Variants in GMPS observed in about 807,000 individuals in gnomAD.
GMPS encodes the protein guanosine monophosphate synthase.
Under a neutral mutation model 77.9 loss-of-function variants are expected in GMPS, and 15 were observed. The observed-to-expected ratio is 0.19, with a 90% CI of 0.13 to 0.30. GMPS has a LOEUF of 0.30. Ranked by LOEUF, GMPS falls within the 10% of genes least tolerant of loss-of-function variation. GMPS has a pLI of 1.00. For synonymous variants in GMPS, 224 were observed against 275.9 expected (o/e 0.81, Z 1.86); for missense variants, 590 against 838.8 (o/e 0.70, Z 3.66).
intron 2 of GMPS, among the ~76,000 whole-genome samples, chr3:155,896,173 C>T (rs553260463): frequency 6.6e-6 from 1 of 152,106 alleles, no homozygotes; most frequent in African/African-American, 2.4e-5. Context: ...CCATGCCCGG[C>T]TAATTTTTTG....
intron 5 of GMPS, among the ~76,000 whole-genome samples, chr3:155,909,508 G>A (rs750830120): frequency 3.3e-5 from 5 of 152,102 alleles, no homozygotes; most frequent in Admixed American, 6.6e-5. Context: ...CTCTATGTGG[G>A]ACTTAATGTA....
chr3:155,896,600 T>A (rs886695760), intron 2 of GMPS, among the ~76,000 whole-genome samples: 1 of 152,050 alleles, frequency 6.6e-6, no homozygotes, highest in Admixed American at 6.6e-5. Context: ...TTTAAATTTT[T>A]TGTAGACATG....
chr3:155,940,742 T>TTG lies in GMPS; in HGVS notation c.*3051_*3052insGT, dbSNP rs1553789735. ...ACAGAATGGAGAAGCTGGATAGTGTTTTTTTTTTTTTTTTTTAAGGTTCTT... is the reference window on the plus strand; with the variant it reads ...ACAGAATGGAGAAGCTGGATAGTGTTTGTTTTTTTTTTTTTTTTAAGGTTCTT... On this transcript the variant is annotated 3_prime_UTR_variant, in exon 16 of 16. Coordinates refer to ENST00000496455, the MANE Select transcript of GMPS (RefSeq NM_003875.3). 6.9e-4 allele frequency: 124 copies of TTG among 180,476 alleles called. No individual in the cohort carries two copies. Among genetic ancestry groups the TTG allele is most frequent in the African/African-American group, 3.2e-3 (118 of 36,700 alleles). The allele number at this position is 180,476 out of a possible 1,614,324, so 11.2% of individuals were successfully genotyped here.
chr3:155,882,240 G>C (rs1218334227), intron 1 of GMPS, among the ~76,000 whole-genome samples: 1 of 152,170 alleles, frequency 6.6e-6, no homozygotes, highest in Non-Finnish European at 1.5e-5. Flanking sequence ...CATGGATACA[G>C]GGAATGATGA....
At chr3:155,886,496 A>C (rs887693913) in intron 1 of GMPS, among the ~76,000 whole-genome samples, 1 of 141,882 alleles carries the variant, frequency 7.0e-6, no homozygotes, top group African/African-American at 2.7e-5. Context: ...AATTGCAGTG[A>C]GCTGAGAGGT....
At position 155,898,050 on chromosome 3, in the gene GMPS, G is replaced by T; in HGVS notation, c.324+9G>T. 1.5e-6 allele frequency: 2 copies of T among 1,358,994 alleles called. No homozygotes were observed. Among genetic ancestry groups the T allele is most frequent in the Non-Finnish European group, 1.1e-6 (1 of 947,200 alleles). The allele number at this position is 1,358,994 out of a possible 1,614,324, so 84.2% of individuals were successfully genotyped here. A position where few individuals can be genotyped will look rare whatever the true frequency, so the allele number is the denominator to read the frequency against. On this transcript the variant is annotated intron_variant, in intron 3 of 15. Transcript: ENST00000496455. ...TTTGCTATGGTATGCAGGTATGTCA[G>T]CAAATTTGTTTTGAAAGCTTACTTA...
chr3:155,883,262 A>G (rs964507416), intron 1 of GMPS, among the ~76,000 whole-genome samples: 2 of 152,020 alleles, frequency 1.3e-5, no homozygotes, highest in East Asian at 1.9e-4. Flanking sequence ...TTTAGTAGAG[A>G]TGGGGTTTCA....
At chr3:155,875,732 T>C (rs1025520800) in intron 1 of GMPS, among the ~76,000 whole-genome samples, 2 of 152,230 alleles carry the variant, frequency 1.3e-5, no homozygotes, top group African/African-American at 4.8e-5. Context: ...TCATGCTTAT[T>C]GTGGAATAGA....
chr3:155,888,176 T>C (rs545087304), intron 1 of GMPS, among the ~76,000 whole-genome samples: 1 of 151,594 alleles, frequency 6.6e-6, no homozygotes, highest in Admixed American at 6.6e-5. Context: ...CCTAAAAAAT[T>C]ATGTGTGCTT....
intron 7 of GMPS, 87 bp from the exon 8 acceptor site, chr3:155,914,329 GAAA>G: frequency 1.0e-6 from 1 of 963,304 alleles, no homozygotes; most frequent in Middle Eastern, 2.3e-4. Context: ...GACTGGGAAA[GAAA>G]TAGCTTTTCT....
chr3:155,908,025 A>G (rs1383349127), intron 5 of GMPS, among the ~76,000 whole-genome samples: 4 of 151,448 alleles, frequency 2.6e-5, no homozygotes, highest in Middle Eastern at 3.4e-3. Context: ...GGCTTTACTC[A>G]TAGTGAGGTG....
chr3:155,877,594 G>A lies in GMPS; in HGVS notation c.27+6697G>A, dbSNP rs148058405. Reference sequence around the variant, plus strand: ...CTAGTCAACCACAAATTCATTTTCTGTCTGTAGATTTGCCAATTGTCTTAG... The same window carrying A: ...CTAGTCAACCACAAATTCATTTTCTATCTGTAGATTTGCCAATTGTCTTAG... On this transcript the variant is annotated intron_variant, in intron 1 of 15. Transcript: ENST00000496455. 3.6e-3 allele frequency among the ~76,000 whole-genome samples: 549 copies of A among 152,084 alleles called. 20 individuals are homozygous for A. The South Asian group carries it at 0.055, about 15-fold the overall frequency.
chr3:155,882,173 G>C (rs1754222077), intron 1 of GMPS, among the ~76,000 whole-genome samples: 1 of 152,170 alleles, frequency 6.6e-6, no homozygotes, highest in South Asian at 2.1e-4. Context: ...CAGTGACAAA[G>C]GTGAGGAAGT....
At chr3:155,918,173 A>G (rs1755232343) in intron 9 of GMPS, among the ~76,000 whole-genome samples, 1 of 151,516 alleles carries the variant, frequency 6.6e-6, no homozygotes, top group Non-Finnish European at 1.5e-5. Context: ...CATCTGGCTC[A>G]GCACAGTGGC....
Position 155,874,774 on chromosome 3 carries a change from T to C in GMPS, c.27+3877T>C, listed in dbSNP as rs548386778. ...TAGACTTGTCTTATACTTGTACAAA[T>C]GTATTTGATACTTTTTTAAGGTTAA... On this transcript the variant is annotated intron_variant, in intron 1 of 15. Coordinates refer to ENST00000496455, the MANE Select transcript of GMPS (RefSeq NM_003875.3). Among the ~76,000 whole-genome samples the C allele has an allele frequency of 2.1e-4, 32 of 152,316 alleles. 2 individuals are homozygous for C. The South Asian group carries it at 6.4e-3, about 31-fold the overall frequency.
intron 1 of GMPS, among the ~76,000 whole-genome samples, chr3:155,877,734 G>T (rs1188451903): frequency 6.6e-6 from 1 of 151,436 alleles, no homozygotes; most frequent in Non-Finnish European, 1.5e-5. Flanking sequence ...CAGATTCAGT[G>T]CCTGGTGAGG....
intron 1 of GMPS, among the ~76,000 whole-genome samples, chr3:155,872,358 C>T (rs956149032): frequency 1.2e-4 from 19 of 152,186 alleles, no homozygotes; most frequent in African/African-American, 4.6e-4. Flanking sequence ...AGTTTCTGAC[C>T]TAAGGAGCAA....
At chr3:155,878,100 A>G (rs141655376) in intron 1 of GMPS, among the ~76,000 whole-genome samples, 11 of 152,196 alleles carry the variant, frequency 7.2e-5, no homozygotes, top group Admixed American at 1.3e-4. Context: ...TAAGGGTACT[A>G]ATCCTATCCG....
At position 155,870,904 on chromosome 3, in the gene GMPS, G is replaced by A. The variant is rs1577492572; in HGVS notation, c.27+7G>A. 2.0e-6 allele frequency: 3 copies of A among 1,501,002 alleles called. No individual in the cohort carries two copies. Among genetic ancestry groups the A allele is most frequent in the Non-Finnish European group, 1.8e-6 (2 of 1,128,302 alleles). The allele number at this position is 1,501,002 out of a possible 1,614,324, so 93.0% of individuals were successfully genotyped here. The stretch of plus-strand genomic sequence containing the variant: ...GTGCAACGGAGACTCCAAGGTCAGC[G>A]TGGGGGTCCCTGCAGCACCGCATCC... On this transcript the variant is annotated splice_region_variant and intron_variant, in intron 1 of 15. Transcript: ENST00000496455.
Sources: gnomAD v4.1 joint callset for allele counts (sites outside exome capture counted in the v4.1 genomes callset) on GRCh38, gnomAD v4.1.1 for gene constraint, MANE v1.5 for transcripts, NCBI Gene and HGNC (gene_info 2026-07-23, HGNC 2026-07-21) for gene names.